Variants in BCAR3 observed in about 807,000 individuals in gnomAD.
The protein encoded by BCAR3 is breast cancer anti-estrogen resistance protein 3.
BCAR3 carries 37 observed loss-of-function variants against 80.1 expected under a neutral mutation model. The observed-to-expected ratio is 0.46, with a 90% CI of 0.36 to 0.61. BCAR3 has a LOEUF of 0.61. Among genes scored for constraint, BCAR3 ranks in the 20% least tolerant of loss-of-function variants. The probability of loss-of-function intolerance (pLI) is 0.00; values close to 1 mark genes in which losing one functional copy is unlikely to be tolerated. For missense variants in BCAR3, 978 were observed against 1,068.2 expected (o/e 0.92, Z 1.18); for synonymous variants, 389 against 418.9 (o/e 0.93, Z 0.87).
chr1:93,579,860 A>G lies in BCAR3; in HGVS notation c.1686+2441T>C, dbSNP rs545126426. On this transcript the variant is annotated intron_variant, in intron 7 of 11. Coordinates refer to ENST00000260502, the MANE Select transcript of BCAR3 (RefSeq NM_003567.4). ...GTTCTGCTCTCAGATTCAGGGCCCA[A>G]TGTGCCTGACTGACTAGAACAGAAA... is the stretch of plus-strand genomic sequence containing the variant. Among the ~76,000 whole-genome samples, 33 of 152,322 alleles carry G rather than the reference A, an allele frequency of 2.2e-4. 1 individual carries two copies. The highest frequency in any genetic ancestry group is 7.7e-4 in the African/African-American group (32 of 41,574).
At position 93,642,276 on chromosome 1, in the gene BCAR3, G is replaced by A. The variant is rs781644444; in HGVS notation, c.357+28C>T. ...TGGGAAATCTACTACCCAGGGTCAC[G>A]GCTACATGTTTAATTCTCATTTCCT... is the stretch of plus-strand genomic sequence containing the variant. On this transcript the variant is annotated intron_variant, in intron 3 of 11. Transcript: ENST00000260502. The A allele has an allele frequency of 5.0e-6, 8 of 1,609,836 alleles. No individual in the cohort carries two copies. In the South Asian group the frequency reaches 5.5e-5, roughly 11 times the overall value.
At chr1:93,643,288 G>T (rs1338833522) in intron 2 of BCAR3, among the ~76,000 whole-genome samples, 3 of 151,230 alleles carry the variant, frequency 2.0e-5, no homozygotes, top group South Asian at 4.2e-4. Flanking sequence ...TTTTGGGGGG[G>T]CCGAGGCAGG....
Position 93,675,925 on chromosome 1 carries a change from C to CAAAAAAAAAAA in BCAR3, c.-11-995_-11-985dup, listed in dbSNP as rs58706715. The stretch of plus-strand genomic sequence containing the variant: ...CACACAGAGGAAAAGAAATAGGAGA[C>CAAAAAAAAAAA]AAAAAAAAAAAAAAAAAAAAAAAAA... On this transcript the variant is annotated intron_variant, in intron 1 of 11. Transcript: ENST00000260502. 1.9e-3 allele frequency among the ~76,000 whole-genome samples: 97 copies of CAAAAAAAAAAA among 51,448 alleles called. 11 individuals are homozygous for CAAAAAAAAAAA. The highest frequency in any genetic ancestry group is 4.5e-3 in the East Asian group (5 of 1,110). The allele number at this position is 51,448 out of a possible 152,430, so 33.8% of individuals were successfully genotyped here. A position where few individuals can be genotyped will look rare whatever the true frequency, so the allele number is the denominator to read the frequency against.
intron 3 of BCAR3, among the ~76,000 whole-genome samples, chr1:93,593,298 C>T (rs1469914888): frequency 6.6e-6 from 1 of 152,214 alleles, no homozygotes; most frequent in East Asian, 1.9e-4. Flanking sequence ...CCCAGCTTGT[C>T]CTTCAAACCC....
intron 2 of BCAR3, among the ~76,000 whole-genome samples, chr1:93,645,417 G>A (rs1676122567): frequency 6.6e-6 from 1 of 152,082 alleles, no homozygotes; most frequent in African/African-American, 2.4e-5. Flanking sequence ...TGGTCTTTGT[G>A]CACATTTACA....
In BCAR3 at chr1:93,704,353, C is replaced by T. The variant is rs917382379; in HGVS notation, c.-12+1739G>A. Among the ~76,000 whole-genome samples, 14 of 152,120 alleles carry T rather than the reference C, an allele frequency of 9.2e-5. No homozygotes were observed. In the East Asian group the frequency reaches 9.7e-4, roughly 10 times the overall value. ...GAGGTGGGGGTGGGGAAAGTAGAGA[C>T]GATGAGGTCAAAAGTAATAATAAAA... On this transcript the variant is annotated intron_variant, in intron 3 of 13. Transcript: ENST00000370244.
intron 2 of BCAR3, among the ~76,000 whole-genome samples, chr1:93,845,098 GTTTC>G (rs1256795172): frequency 6.6e-6 from 1 of 151,946 alleles, no homozygotes; most frequent in Non-Finnish European, 1.5e-5. Flanking sequence ...TTAGCACATT[GTTTC>G]TTTCCCAATT....
chr1:93,810,394 A>G (rs2100802906), intron 2 of BCAR3, among the ~76,000 whole-genome samples: 1 of 152,274 alleles, frequency 6.6e-6, no homozygotes, highest in Non-Finnish European at 1.5e-5. Flanking sequence ...AGCATCTCCC[A>G]GGGTGAATAC....
chr1:93,574,830 T>C (rs1416654962), intron 8 of BCAR3, among the ~76,000 whole-genome samples: 1 of 152,196 alleles, frequency 6.6e-6, no homozygotes, highest in African/African-American at 2.4e-5. Context: ...AAGCGGGACC[T>C]AGAATTCCCC....
At chr1:93,789,177 T>A (rs1653051747) in intron 2 of BCAR3, among the ~76,000 whole-genome samples, 1 of 152,116 alleles carries the variant, frequency 6.6e-6, no homozygotes, top group African/African-American at 2.4e-5. Context: ...TATGTAAAAT[T>A]GTTGGCCAGG....
At chr1:93,768,766 C>T (rs989502442) in intron 2 of BCAR3, among the ~76,000 whole-genome samples, 5 of 152,214 alleles carry the variant, frequency 3.3e-5, no homozygotes, top group Non-Finnish European at 5.9e-5. Flanking sequence ...CCTCTCATTT[C>T]GTGGAGATAA....
At chr1:93,781,719 A>C (rs148451606) in intron 2 of BCAR3, among the ~76,000 whole-genome samples, 236 of 152,216 alleles carry the variant, frequency 1.6e-3, no homozygotes, top group African/African-American at 5.3e-3. Context: ...ATAGGCATAC[A>C]TTTTGGGTTC....
At chr1:93,833,269 T>G (rs898193488) in intron 2 of BCAR3, among the ~76,000 whole-genome samples, 3 of 152,158 alleles carry the variant, frequency 2.0e-5, no homozygotes, top group African/African-American at 4.8e-5. Flanking sequence ...AGAGATCACA[T>G]GCTTCCAAGG....
chr1:93,798,763 C>T (rs1484822965), intron 2 of BCAR3, among the ~76,000 whole-genome samples: 1 of 152,128 alleles, frequency 6.6e-6, no homozygotes, highest in Non-Finnish European at 1.5e-5. Flanking sequence ...AGATATGATC[C>T]ATCTGTGAAC....
intron 2 of BCAR3, among the ~76,000 whole-genome samples, chr1:93,713,135 T>C (rs1366290684): frequency 6.6e-6 from 1 of 152,262 alleles, no homozygotes; most frequent in Non-Finnish European, 1.5e-5. Flanking sequence ...AGAAATTGCA[T>C]GTTCAATTTT....
Position 93,674,780 on chromosome 1 carries a change from G to A in BCAR3, c.151C>T (p.Leu51Phe). The A allele has an allele frequency of 1.2e-6, 2 of 1,612,926 alleles. No homozygotes were observed. The highest frequency in any genetic ancestry group is 1.7e-6 in the Non-Finnish European group (2 of 1,179,730). ...AYQDVSIHGTLPRKKKGPPPI... is the reference protein window; with the variant it reads ...AYQDVSIHGTFPRKKKGPPPI... ...GGAGGACCTTTTTTCTTCCGTGGAA[G>A]GGTGCCATGTATAGACACATCTTGA... The change falls in exon 2 of 12, where the codon CTT becomes TTT. Residue 51 changes from leucine to phenylalanine, a missense_variant. Physicochemically the swap from Leu to Phe is conservative, Grantham distance 22. Coordinates refer to ENST00000260502, the MANE Select transcript of BCAR3 (RefSeq NM_003567.4).
chr1:93,830,161 T>C (rs11165015), intron 2 of BCAR3, among the ~76,000 whole-genome samples: 19,780 of 152,202 alleles, frequency 0.13, 1,961 homozygotes, highest in African/African-American at 0.27. Flanking sequence ...AACCTCTTTT[T>C]TTTATAAATT....
intron 2 of BCAR3, among the ~76,000 whole-genome samples, chr1:93,749,691 C>T (rs1213016588): frequency 6.6e-6 from 1 of 151,866 alleles, no homozygotes; most frequent in African/African-American, 2.4e-5. Context: ...CTAGGAAATT[C>T]CCCATTCTCA....
chr1:93,645,638 TTGTG>T (rs71588504), intron 2 of BCAR3, among the ~76,000 whole-genome samples: 1 of 149,750 alleles, frequency 6.7e-6, no homozygotes, highest in East Asian at 1.9e-4. Context: ...TACAGGATCT[TTGTG>T]TGTGTGTGTG....
Sources: allele counts gnomAD v4.1 joint callset (sites outside exome capture counted in the v4.1 genomes callset), GRCh38; gene constraint gnomAD v4.1.1; transcripts MANE v1.5; gene names NCBI Gene and HGNC (gene_info 2026-07-23, HGNC 2026-07-21).